GPR155: variants seen among roughly 807,000 people sequenced by gnomAD.
GPR155 encodes lysosomal cholesterol signaling protein.
GPR155 carries 65 observed loss-of-function variants against 93.1 expected under a neutral mutation model. The observed-to-expected ratio is 0.70, with a 90% CI of 0.57 to 0.86. GPR155 has a LOEUF of 0.86. GPR155 is among the 40% of genes least tolerant of loss of function. The pLI is 0.00. For missense variants in GPR155, 838 were observed against 1,034.8 expected (o/e 0.81, Z 2.61); for synonymous variants, 319 against 360.1 (o/e 0.89, Z 1.29).
Position 174,433,889 on chromosome 2 carries a change from G to A in GPR155, c.*2227C>T, listed in dbSNP as rs1028983188. ...AGACTAAGAGAAAAGGCAACATTTAGTAATTTTAAAAATTATATATTTTTA... is the reference window on the plus strand; with the variant it reads ...AGACTAAGAGAAAAGGCAACATTTAATAATTTTAAAAATTATATATTTTTA... On this transcript the variant is annotated 3_prime_UTR_variant, in exon 16 of 16. Transcript: ENST00000392552. 4.6e-5 allele frequency: 7 copies of A among 151,908 alleles called. No individual in the cohort carries two copies. Among genetic ancestry groups the A allele is most frequent in the Admixed American group, 2.6e-4 (4 of 15,236 alleles). 9.4% of individuals were successfully genotyped at this position (151,908 alleles called of 1,614,324 possible).
intron 2 of GPR155, among the ~76,000 whole-genome samples, chr2:174,478,660 A>T (rs542282183): frequency 1.2e-4 from 19 of 152,274 alleles, no homozygotes; most frequent in African/African-American, 4.1e-4. Flanking sequence ...TCATTAACTT[A>T]TATGTCTTCT....
intron 13 of GPR155, among the ~76,000 whole-genome samples, chr2:174,444,865 C>G (rs963082894): frequency 2.0e-5 from 3 of 152,134 alleles, no homozygotes; most frequent in Non-Finnish European, 4.4e-5. Flanking sequence ...ACTCAGCGTA[C>G]ATTCTGATGA....
At chr2:174,486,851 G>C (rs1688498607) in intron 1 of GPR155, 22 bp downstream of exon 1, 1 of 152,642 alleles carries the variant, frequency 6.6e-6, no homozygotes, top group South Asian at 2.1e-4. Context: ...CAGCAGGTCC[G>C]CGCTCCAGGG....
chr2:174,459,346 G>C (rs12052656), intron 10 of GPR155, among the ~76,000 whole-genome samples: 38,872 of 151,934 alleles, frequency 0.26, 5,783 homozygotes, highest in Middle Eastern at 0.54. Context: ...TATATTCTCA[G>C]GTCCAGGGAA....
At chr2:174,438,426 A>G (rs778508259) in intron 15 of GPR155, among the ~76,000 whole-genome samples, 3 of 152,202 alleles carry the variant, frequency 2.0e-5, no homozygotes, top group Non-Finnish European at 2.9e-5. Flanking sequence ...TTCCTTCCCA[A>G]GAGCTGGCAA....
rs1424078787 is a variant in GPR155, at chr2:174,470,507, C to T, written c.909G>A (p.Lys303=). The T allele has an allele frequency of 6.2e-7, 1 of 1,613,906 alleles. No individual in the cohort carries two copies. ...TTGTATGGTTCACCACACTGTCGCC[C>T]TTGTCCAAGAGTTCCACCATTTCTC... The part of the protein sequence containing the change: ...LCREMVELLD[K]GDSVVNHTSL... Residue 303 remains lysine (K), a synonymous_variant, in exon 4 of 16, where the codon AAG becomes AAA. Transcript: ENST00000392552.
At chr2:174,471,867 C>T (rs1688008325) in intron 3 of GPR155, among the ~76,000 whole-genome samples, 1 of 152,150 alleles carries the variant, frequency 6.6e-6, no homozygotes, top group African/African-American at 2.4e-5. Context: ...AATACTAATA[C>T]TTTGTTTCTG....
At chr2:174,483,711 G>A (rs1008922641) in intron 1 of GPR155, among the ~76,000 whole-genome samples, 2 of 151,860 alleles carry the variant, frequency 1.3e-5, no homozygotes, top group Non-Finnish European at 2.9e-5. Flanking sequence ...TAGCCTTCCC[G>A]AGTAGCTGGG....
chr2:174,468,896 G>A lies in GPR155; in HGVS notation c.1182+16C>T. 6.3e-7 allele frequency: 1 copy of A among 1,599,662 alleles called. No individual in the cohort carries two copies. Among genetic ancestry groups the A allele is most frequent in the Non-Finnish European group, 8.6e-7 (1 of 1,168,482 alleles). Reference sequence around the variant, plus strand: ...ATTCTGTGGTTTCCATTCATTTTGGGATGCAACGTACTTACCAAGGAGATC... The same window carrying A: ...ATTCTGTGGTTTCCATTCATTTTGGAATGCAACGTACTTACCAAGGAGATC... On this transcript the variant is annotated intron_variant, in intron 5 of 15. Coordinates refer to ENST00000392552, the MANE Select transcript of GPR155 (RefSeq NM_152529.7).
intron 9 of GPR155, among the ~76,000 whole-genome samples, chr2:174,460,485 A>G (rs1449999617): frequency 6.6e-6 from 1 of 152,116 alleles, no homozygotes; most frequent in East Asian, 1.9e-4. Context: ...TTTTTGATGG[A>G]CAATATATCT....
At position 174,436,020 on chromosome 2, in the gene GPR155, A is replaced by C; in HGVS notation, c.*96T>G. 1.1e-6 allele frequency: 1 copy of C among 877,700 alleles called. No individual in the cohort carries two copies. The highest frequency in any genetic ancestry group is 1.8e-6 in the Non-Finnish European group (1 of 547,294). 54.4% of individuals were successfully genotyped at this position (877,700 alleles called of 1,614,324 possible). A position where few individuals can be genotyped will look rare whatever the true frequency, so the allele number is the denominator to read the frequency against. On this transcript the variant is annotated 3_prime_UTR_variant, in exon 16 of 16. Transcript: ENST00000392552. ...CAGAAGAGACAACTGAGGCTCAGAGAGGTTGCCTCTGTTAACTTGCCCAAG... is the reference window on the plus strand; with the variant it reads ...CAGAAGAGACAACTGAGGCTCAGAGCGGTTGCCTCTGTTAACTTGCCCAAG...
At chr2:174,439,356 A>T (rs570249997) in intron 15 of GPR155, among the ~76,000 whole-genome samples, 9 of 152,138 alleles carry the variant, frequency 5.9e-5, no homozygotes, top group Non-Finnish European at 1.2e-4. Context: ...TTTTTTCCTC[A>T]TCCAAAATTA....
chr2:174,435,961 C>G lies in GPR155; in HGVS notation c.*155G>C, dbSNP rs935814138. 1.6e-6 allele frequency: 1 copy of G among 615,622 alleles called. No individual in the cohort carries two copies. The allele number at this position is 615,622 out of a possible 1,614,324, so 38.1% of individuals were successfully genotyped here. On this transcript the variant is annotated 3_prime_UTR_variant, in exon 16 of 16. Transcript: ENST00000392552. ...CATACATGTAAAATCACAGACCCTG[C>G]GCATGTGGTGGGAGCACATCTTTTC... is the stretch of plus-strand genomic sequence containing the variant.
chr2:174,438,347 C>T (rs1175900966), intron 15 of GPR155, among the ~76,000 whole-genome samples: 3 of 152,224 alleles, frequency 2.0e-5, no homozygotes, highest in African/African-American at 2.4e-5. Context: ...GGCACGCTCC[C>T]AGCCAGTGTC....
At chr2:174,438,102 C>CA (rs1417247255) in intron 15 of GPR155, among the ~76,000 whole-genome samples, 8 of 151,768 alleles carry the variant, frequency 5.3e-5, no homozygotes, top group Non-Finnish European at 7.4e-5. Context: ...TAAAAAAATA[C>CA]AAAAAATTAG....
In GPR155 at chr2:174,469,050, C is replaced by T; in HGVS notation, c.1044G>A (p.Val348=). ...MEVEIITSGM[V]ISTFVSAPIM... is the part of the protein sequence containing the mutation. ...TGGGAGCAGACACAAATGTGCTTATCACCATCCCTGAGGTTATCTGCAAAA... is the reference window on the plus strand; with the variant it reads ...TGGGAGCAGACACAAATGTGCTTATTACCATCCCTGAGGTTATCTGCAAAA... Residue 348 remains valine, a synonymous_variant, in exon 5 of 16, where the codon GTG becomes GTA. Transcript: ENST00000392552. The T allele has an allele frequency of 6.2e-7, 1 of 1,613,992 alleles. No homozygotes were observed. Among genetic ancestry groups the T allele is most frequent in the Non-Finnish European group, 8.5e-7 (1 of 1,179,910 alleles).
At chr2:174,453,126 CA>C (rs772500219) in intron 11 of GPR155, among the ~76,000 whole-genome samples, 12 of 152,340 alleles carry the variant, frequency 7.9e-5, no homozygotes, top group Non-Finnish European at 1.3e-4. Context: ...CTCCACCTCC[CA>C]CCAAAATGCC....
chr2:174,470,481 C>T lies in GPR155; in HGVS notation c.935G>A (p.Ser312Asn), dbSNP rs774731420. The change falls in exon 4 of 16, where the codon AGT becomes AAT. Residue 312 changes from serine to asparagine, a missense_variant. Transcript: ENST00000392552. ...DKGDSVVNHT[S>N]LSNYAFLYGV... ...ATACAGAAATGCATAATTTGATAAA[C>T]TTGTATGGTTCACCACACTGTCGCC... 1.1e-5 allele frequency: 17 copies of T among 1,613,800 alleles called. No individual in the cohort carries two copies. The highest frequency in any genetic ancestry group is 1.3e-5 in the Non-Finnish European group (15 of 1,179,822).
chr2:174,482,886 G>A (rs535425878), intron 1 of GPR155: 2 of 152,318 alleles, frequency 1.3e-5, no homozygotes, highest in African/African-American at 4.8e-5. Context: ...ATGGGAACTT[G>A]CGATTATTCC....
Sources: allele counts gnomAD v4.1 joint callset (sites outside exome capture counted in the v4.1 genomes callset), GRCh38; gene constraint gnomAD v4.1.1; transcripts MANE v1.5; gene names NCBI Gene and HGNC (gene_info 2026-07-23, HGNC 2026-07-21).